The following IMMP2L variants were observed in gnomAD, a reference collection of about 807,000 sequenced individuals.
IMMP2L encodes mitochondrial inner membrane protease subunit 2.
In IMMP2L, 18 loss-of-function variants were observed where a neutral mutation model predicts 19.3. The ratio of observed to expected loss-of-function variants is 0.93; its 90% CI spans 0.64 to 1.38. The LOEUF is 1.38. Ranked by LOEUF, IMMP2L falls within the 40% of genes most tolerant of loss-of-function variation. IMMP2L has a pLI of 0.00. For synonymous variants in IMMP2L, 76 were observed against 73.0 expected (o/e 1.04, Z -0.21); for missense variants, 233 against 218.2 (o/e 1.07, Z -0.43).
chr7:111,248,832 C>CG (rs1323102362), intron 3 of IMMP2L, among the ~76,000 whole-genome samples: 2 of 27,618 alleles, frequency 7.2e-5, no homozygotes, highest in Non-Finnish European at 1.2e-4. Flanking sequence ...TTAGGCTGCT[C>CG]GGGGGTCAGG....
At chr7:111,088,715 C>T (rs573071346) in intron 3 of IMMP2L, among the ~76,000 whole-genome samples, 13 of 152,106 alleles carry the variant, frequency 8.5e-5, no homozygotes, top group Admixed American at 5.9e-4. Context: ...TACAATGTAA[C>T]GTCTTCATAT....
At chr7:111,220,756 G>A (rs1475429046) in intron 3 of IMMP2L, among the ~76,000 whole-genome samples, 1 of 151,990 alleles carries the variant, frequency 6.6e-6, no homozygotes, top group Non-Finnish European at 1.5e-5. Context: ...GGAGCCTCAG[G>A]AAAGACAGTG....
chr7:110,856,132 A>G (rs1162687101), intron 5 of IMMP2L, among the ~76,000 whole-genome samples: 1 of 152,040 alleles, frequency 6.6e-6, no homozygotes, highest in Non-Finnish European at 1.5e-5. Context: ...TTCCAAAACC[A>G]CCAAATTTAT....
intron 3 of IMMP2L, among the ~76,000 whole-genome samples, chr7:111,055,803 C>A (rs1283700029): frequency 6.6e-6 from 1 of 152,186 alleles, no homozygotes; most frequent in Non-Finnish European, 1.5e-5. Context: ...TCAGCCTAAC[C>A]AGTAACTATG....
intron 3 of IMMP2L, among the ~76,000 whole-genome samples, chr7:111,332,575 T>C (rs1225790490): frequency 6.6e-6 from 1 of 151,866 alleles, no homozygotes; most frequent in East Asian, 1.9e-4. Context: ...AGAACACTAA[T>C]AATAGGAGAT....
intron 3 of IMMP2L, among the ~76,000 whole-genome samples, chr7:111,258,567 C>T (rs776369590): frequency 2.0e-5 from 3 of 152,032 alleles, no homozygotes; most frequent in Non-Finnish European, 4.4e-5. Flanking sequence ...AATGCAATGG[C>T]ATGATTGCAG....
intron 3 of IMMP2L, among the ~76,000 whole-genome samples, chr7:111,353,235 T>G (rs1364868775): frequency 6.6e-6 from 1 of 152,080 alleles, no homozygotes; most frequent in African/African-American, 2.4e-5. Context: ...TCTCCAATGC[T>G]CAAATCTTCA....
At chr7:110,671,419 C>T (rs1268262645) in intron 5 of IMMP2L, among the ~76,000 whole-genome samples, 1 of 151,910 alleles carries the variant, frequency 6.6e-6, no homozygotes, top group Non-Finnish European at 1.5e-5. Flanking sequence ...CTTGAATATT[C>T]CTGCTTCCCA....
intron 3 of IMMP2L, among the ~76,000 whole-genome samples, chr7:111,357,023 A>G (rs1284115657): frequency 6.6e-6 from 1 of 152,104 alleles, no homozygotes; most frequent in South Asian, 2.1e-4. Context: ...CTCTGTCTCA[A>G]AAAAAAAGCA....
intron 3 of IMMP2L, among the ~76,000 whole-genome samples, chr7:111,470,044 C>A (rs957137288): frequency 6.6e-6 from 1 of 151,978 alleles, no homozygotes; most frequent in Non-Finnish European, 1.5e-5. Flanking sequence ...AATAAACAAC[C>A]CCATCAAAAA....
intron 5 of IMMP2L, among the ~76,000 whole-genome samples, chr7:110,845,384 C>A (rs143278782): frequency 5.9e-5 from 9 of 152,202 alleles, no homozygotes; most frequent in African/African-American, 2.2e-4. Flanking sequence ...AGAGCCTGCT[C>A]GTCTGTGTTT....
chr7:111,460,240 C>T (rs1030449739), intron 3 of IMMP2L, among the ~76,000 whole-genome samples: 22 of 152,090 alleles, frequency 1.4e-4, no homozygotes, highest in African/African-American at 5.3e-4. Context: ...CTTGGGCACT[C>T]GAATTGAGTT....
At chr7:111,083,193 T>A (rs1796027785) in intron 3 of IMMP2L, among the ~76,000 whole-genome samples, 2 of 152,166 alleles carry the variant, frequency 1.3e-5, no homozygotes, top group Admixed American at 6.5e-5. Flanking sequence ...AAGAGCTGGA[T>A]AATACAATTG....
intron 5 of IMMP2L, among the ~76,000 whole-genome samples, chr7:110,808,613 T>G (rs989782911): frequency 2.6e-5 from 4 of 152,068 alleles, no homozygotes; most frequent in African/African-American, 9.7e-5. Context: ...GCAGCTGCAG[T>G]GCAGATGGTT....
At chr7:111,190,025 T>C (rs1237130219) in intron 3 of IMMP2L, among the ~76,000 whole-genome samples, 1 of 152,166 alleles carries the variant, frequency 6.6e-6, no homozygotes, top group Admixed American at 6.5e-5. Context: ...CAGTGGAAAT[T>C]AACATGGCCA....
intron 3 of IMMP2L, among the ~76,000 whole-genome samples, chr7:111,233,977 T>C (rs1431498173): frequency 6.6e-6 from 1 of 152,010 alleles, no homozygotes; most frequent in African/African-American, 2.4e-5. Context: ...CAAGCAGAAA[T>C]TGTTTGGAAT....
intron 5 of IMMP2L, among the ~76,000 whole-genome samples, chr7:110,748,137 C>T (rs969165069): frequency 2.0e-5 from 3 of 152,118 alleles, no homozygotes; most frequent in Non-Finnish European, 2.9e-5. Context: ...ACAAGTAACT[C>T]CCATTCACAA....
intron 5 of IMMP2L, among the ~76,000 whole-genome samples, chr7:110,716,004 A>G (rs1230102318): frequency 6.6e-6 from 1 of 152,046 alleles, no homozygotes; most frequent in Admixed American, 6.6e-5. Context: ...ACCCTTCATC[A>G]TTATGTAATG....
At chr7:111,443,406 G>C (rs1407582134) in intron 3 of IMMP2L, among the ~76,000 whole-genome samples, 1 of 152,166 alleles carries the variant, frequency 6.6e-6, no homozygotes, top group East Asian at 1.9e-4. Context: ...GGCTGGTTAA[G>C]GATGCAGAGG....
Sources: gnomAD v4.1 joint callset for allele counts (sites outside exome capture counted in the v4.1 genomes callset) on GRCh38, gnomAD v4.1.1 for gene constraint, MANE v1.5 for transcripts, NCBI Gene and HGNC (gene_info 2026-07-23, HGNC 2026-07-21) for gene names.